ELAVL1: variants seen among roughly 807,000 people sequenced by gnomAD.
ELAVL1 encodes the protein ELAV-like protein 1.
A neutral mutation model predicts 28.4 loss-of-function variants in ELAVL1; 1 was observed. The ratio of observed to expected loss-of-function variants is 0.04; its 90% CI spans 0.01 to 0.17. ELAVL1 has a LOEUF of 0.17. Among genes scored for constraint, ELAVL1 ranks in the 10% least tolerant of loss-of-function variants. The pLI is 1.00. For missense variants in ELAVL1, 157 were observed against 447.2 expected, an observed-to-expected ratio of 0.35 and a Z score of 5.85; for synonymous variants, 174 against 183.5, an observed-to-expected ratio of 0.95 and a Z score of 0.42.
At chr19:7,972,946 G>A (rs1278096303) in intron 4 of ELAVL1, 1 of 151,508 alleles carries the variant, frequency 6.6e-6, no homozygotes, top group African/African-American at 2.4e-5. Flanking sequence ...CCGAGTAGCT[G>A]GGATTACAGG....
intron 5 of ELAVL1, among the ~76,000 whole-genome samples, chr19:7,967,364 A>T (rs1201189689): frequency 1.3e-5 from 2 of 152,192 alleles, no homozygotes; most frequent in African/African-American, 2.4e-5. Flanking sequence ...CCCATGAAAG[A>T]CAACGCCCAA....
chr19:7,969,106 C>T (rs1472441687), intron 4 of ELAVL1, among the ~76,000 whole-genome samples: 1 of 152,198 alleles, frequency 6.6e-6, no homozygotes, highest in Admixed American at 6.5e-5. Context: ...AAGGCTCATG[C>T]CTGTGGTCTC....
At chr19:7,991,921 T>C in intron 1 of ELAVL1, 90 bp from the exon 2 acceptor site, 1 of 1,059,186 alleles carries the variant, frequency 9.4e-7, no homozygotes, top group Non-Finnish European at 1.3e-6. Flanking sequence ...ACTTAGAGAT[T>C]TTCTTTCTTT....
At chr19:7,997,402 C>T (rs2081053340) in intron 1 of ELAVL1, among the ~76,000 whole-genome samples, 1 of 152,164 alleles carries the variant, frequency 6.6e-6, no homozygotes, top group South Asian at 2.1e-4. Flanking sequence ...GAATCTCAAA[C>T]ACATCTTGCC....
intron 4 of ELAVL1, among the ~76,000 whole-genome samples, chr19:7,972,238 G>C (rs1047248905): frequency 1.6e-4 from 25 of 152,188 alleles, no homozygotes; most frequent in Non-Finnish European, 2.6e-4. Context: ...AGGGTGGCCC[G>C]AGCTCCCTGT....
intron 1 of ELAVL1, among the ~76,000 whole-genome samples, chr19:8,000,136 G>A (rs1346155260): frequency 6.6e-6 from 1 of 151,990 alleles, no homozygotes; most frequent in East Asian, 1.9e-4. Flanking sequence ...TGTTCAGGCT[G>A]GTCTTTAACT....
At chr19:7,990,139 C>T (rs926788932) in intron 2 of ELAVL1, among the ~76,000 whole-genome samples, 1 of 152,156 alleles carries the variant, frequency 6.6e-6, no homozygotes, top group Non-Finnish European at 1.5e-5. Flanking sequence ...TCTCCTGCCT[C>T]GGCCTCTTGA....
rs200436536 is a variant in ELAVL1 at position 7,963,843 on chromosome 19, G to A, written c.657-36C>T. The A allele has an allele frequency of 3.9e-4, 624 of 1,594,274 alleles. 3 individuals are homozygous for A. In the African/African-American group the frequency reaches 6.8e-3, roughly 17 times the overall value. On this transcript the variant is annotated intron_variant, in intron 5 of 5. Transcript: ENST00000407627. The surrounding 1 kb of genome is among the most constrained non-coding windows in gnomAD (Gnocchi z 4.5). ...GAGAGCAAGCGTCAGGCCACGGTCA[G>A]CGCAGGCGGCCTGGGGATGGGGCAA...
At chr19:7,989,225 C>T (rs953375708) in intron 2 of ELAVL1, among the ~76,000 whole-genome samples, 2 of 152,130 alleles carry the variant, frequency 1.3e-5, no homozygotes, top group Non-Finnish European at 2.9e-5. Context: ...CCCACACTGG[C>T]GGCAGGCTGA....
At chr19:7,967,311 A>C (rs1984981999) in intron 5 of ELAVL1, among the ~76,000 whole-genome samples, 1 of 152,228 alleles carries the variant, frequency 6.6e-6, no homozygotes, top group Non-Finnish European at 1.5e-5. Context: ...CTAGGATTAC[A>C]GGGATAAGTC....
chr19:7,988,643 G>C (rs1231056046), intron 2 of ELAVL1, among the ~76,000 whole-genome samples: 3 of 152,144 alleles, frequency 2.0e-5, no homozygotes, highest in Non-Finnish European at 2.9e-5. Flanking sequence ...TGCCTCCCAG[G>C]GGACATGCGG....
intron 4 of ELAVL1, 183 bp downstream of exon 4, chr19:7,973,542 T>C: frequency 1.3e-6 from 1 of 757,088 alleles, no homozygotes; most frequent in African/African-American, 1.8e-5. Flanking sequence ...CCCCAGCTTC[T>C]TTTAATGCCA....
intron 1 of ELAVL1, among the ~76,000 whole-genome samples, chr19:8,004,069 C>T (rs1275988761): frequency 6.6e-6 from 1 of 152,188 alleles, no homozygotes; most frequent in Non-Finnish European, 1.5e-5. Flanking sequence ...TCAGTTTCTT[C>T]ATCTCTAAAA....
chr19:8,003,055 A>G (rs2145232716), intron 1 of ELAVL1, among the ~76,000 whole-genome samples: 1 of 152,326 alleles, frequency 6.6e-6, no homozygotes, highest in East Asian at 1.9e-4. Context: ...AGAAATTTTC[A>G]TAAAGTTTTT....
chr19:7,973,200 T>C (rs1014689376), intron 4 of ELAVL1: 1 of 159,714 alleles, frequency 6.3e-6, no homozygotes, highest in African/African-American at 2.4e-5. Context: ...GCGTTTTCAC[T>C]GTACATGAAA....
chr19:7,976,401 C>CAA (rs879778388), intron 3 of ELAVL1, among the ~76,000 whole-genome samples: 4 of 132,842 alleles, frequency 3.0e-5, no homozygotes, highest in South Asian at 2.4e-4. Context: ...GACTCCATCT[C>CAA]AAAAAAAAAA....
chr19:7,979,616 G>T lies in ELAVL1; in HGVS notation c.276+1467C>A, dbSNP rs116389504. ...CCACCTGGGGCTGGAGGCGAGGAAG[G>T]GCTGCCCCTGCTCAGGTGGAATCCC... On this transcript the variant is annotated intron_variant, in intron 3 of 5. Transcript: ENST00000407627. The surrounding 1 kb of genome is among the most constrained non-coding windows in gnomAD (Gnocchi z 5.4). Among the ~76,000 whole-genome samples the T allele has an allele frequency of 6.6e-6, 1 of 152,202 alleles. No homozygotes were observed. Among genetic ancestry groups the T allele is most frequent in the Non-Finnish European group, 1.5e-5 (1 of 68,038 alleles).
chr19:7,964,608 G>C (rs1233065006), intron 5 of ELAVL1, among the ~76,000 whole-genome samples: 1 of 152,140 alleles, frequency 6.6e-6, no homozygotes, highest in Non-Finnish European at 1.5e-5. Flanking sequence ...GCCAAGGTGG[G>C]AGGATCACTT....
Position 7,958,885 on chromosome 19 carries a change from A to T in ELAVL1, c.*4598T>A, listed in dbSNP as rs1406924615. The T allele has an allele frequency of 1.3e-5, 2 of 153,436 alleles. No individual in the cohort carries two copies. The highest frequency in any genetic ancestry group is 4.8e-5 in the African/African-American group (2 of 41,444). The allele number at this position is 153,436 out of a possible 1,614,324, so 9.5% of individuals were successfully genotyped here. ...TATAAAAACTCTGAAAATGGTGCAA[A>T]AGTTTCATTCTCTTTGAGAAAGCCA... On this transcript the variant is annotated 3_prime_UTR_variant, in exon 6 of 6. Coordinates refer to ENST00000407627, the MANE Select transcript of ELAVL1 (RefSeq NM_001419.3).
Sources: allele counts gnomAD v4.1 joint callset (sites outside exome capture counted in the v4.1 genomes callset), GRCh38; gene constraint gnomAD v4.1.1; non-coding constraint Gnocchi (gnomAD v3.1); transcripts MANE v1.5; gene names NCBI Gene and HGNC (gene_info 2026-07-23, HGNC 2026-07-21).